The following DPF3 variants were observed in gnomAD, a reference collection of about 807,000 sequenced individuals.
DPF3 encodes zinc finger protein DPF3.
A neutral mutation model predicts 56.8 loss-of-function variants in DPF3; 18 were observed. The ratio of observed to expected loss-of-function variants is 0.32; its 90% CI spans 0.22 to 0.47. The LOEUF (loss-of-function observed/expected upper bound fraction) is 0.47. Among genes scored for constraint, DPF3 ranks in the 20% least tolerant of loss-of-function variants. The pLI, the probability that DPF3 is intolerant of heterozygous loss-of-function variation, is 1.00. For missense variants in DPF3, 403 were observed against 488.8 expected (o/e 0.82, Z 1.65); for synonymous variants, 188 against 180.2 (o/e 1.04, Z -0.35).
At chr14:72,723,882 G>C in intron 4 of DPF3, 154 bp from the exon 5 acceptor site, 1 of 683,906 alleles carries the variant, frequency 1.5e-6, no homozygotes, top group Non-Finnish European at 2.4e-6. Flanking sequence ...CTGAAATGCT[G>C]TCTGGAGTTT....
At chr14:72,853,215 T>C (rs79209464) in intron 1 of DPF3, 1 of 76,386 alleles carries the variant, frequency 1.3e-5, no homozygotes, top group African/African-American at 5.4e-5. Context: ...CATGTTGTTG[T>C]TTTTTTTTTT....
At chr14:72,661,931 T>A in intron 8 of DPF3, 2 of 983,080 alleles carry the variant, frequency 2.0e-6, no homozygotes, top group Non-Finnish European at 2.4e-6. Context: ...CTTGAGGGGA[T>A]ATATTCCATC....
chr14:72,774,632 AAAC>A (rs1891681202), intron 1 of DPF3, among the ~76,000 whole-genome samples: 1 of 152,302 alleles, frequency 6.6e-6, no homozygotes, highest in African/African-American at 2.4e-5. Context: ...ATCCAAAAAA[AAAC>A]AAACAACAAA....
intron 1 of DPF3, among the ~76,000 whole-genome samples, chr14:72,886,724 C>A (rs1318517932): frequency 6.6e-6 from 1 of 152,072 alleles, no homozygotes; most frequent in Non-Finnish European, 1.5e-5. Context: ...TCCCCCTTCT[C>A]TTTATGCTTG....
Position 72,790,925 on chromosome 14 carries a change from T to C in DPF3, c.33-19032A>G, listed in dbSNP as rs182031736. Among the ~76,000 whole-genome samples, 160 of 152,308 alleles carry C rather than the reference T, an allele frequency of 1.1e-3. 1 individual carries two copies. The highest frequency in any genetic ancestry group is 1.8e-3 in the Non-Finnish European group (125 of 68,032). ...TGCTGGGTGCTGCGGAAGTCTGTCC[T>C]GTATGGTCAGCCATTTGCCCTCTTC... On this transcript the variant is annotated intron_variant, in intron 1 of 10. Coordinates refer to ENST00000556509, the MANE Select transcript of DPF3 (RefSeq NM_001280542.3).
intron 1 of DPF3, among the ~76,000 whole-genome samples, chr14:72,809,099 TC>T (rs1338725726): frequency 6.6e-6 from 1 of 152,194 alleles, no homozygotes; most frequent in Non-Finnish European, 1.5e-5. Context: ...CCCTTGGGTT[TC>T]CCCATCTTCA....
intron 8 of DPF3, chr14:72,661,593 T>C: frequency 1.0e-6 from 1 of 985,484 alleles, no homozygotes; most frequent in South Asian, 4.7e-5. Flanking sequence ...AGCGCCGAGA[T>C]ACATCCCATC....
chr14:72,698,711 A>G (rs1888018288), intron 6 of DPF3, among the ~76,000 whole-genome samples: 1 of 152,188 alleles, frequency 6.6e-6, no homozygotes, highest in African/African-American at 2.4e-5. Flanking sequence ...GCTAGGCTAC[A>G]CTATGGTTTA....
At position 72,626,476 on chromosome 14, in the gene DPF3, CT is replaced by C. The variant is rs1292695523; in HGVS notation, c.984+3147del. 2.6e-5 allele frequency among the ~76,000 whole-genome samples: 4 copies of C among 152,042 alleles called. No individual in the cohort carries two copies. The East Asian group carries it at 5.8e-4, about 22-fold the overall frequency. ...ACTTTGCTTTTTTACTTAATATATTCTGGAAATCACTCCAAATCAATTCATA... is the reference window on the plus strand; with the variant it reads ...ACTTTGCTTTTTTACTTAATATATTCGGAAATCACTCCAAATCAATTCATA... On this transcript the variant is annotated intron_variant, in intron 9 of 10. Coordinates refer to ENST00000556509, the MANE Select transcript of DPF3 (RefSeq NM_001280542.3).
chr14:72,691,727 G>GAA (rs897407839), intron 7 of DPF3, among the ~76,000 whole-genome samples: 1 of 137,534 alleles, frequency 7.3e-6, no homozygotes, highest in Non-Finnish European at 1.6e-5. Flanking sequence ...CTCCGTCTCA[G>GAA]AAAAAAAAAA....
At chr14:72,788,933 T>G (rs1307078815) in intron 1 of DPF3, among the ~76,000 whole-genome samples, 2 of 152,254 alleles carry the variant, frequency 1.3e-5, no homozygotes, top group African/African-American at 4.8e-5. Flanking sequence ...TGTCTTCACC[T>G]GATGCCATCA....
chr14:72,806,605 G>C (rs3937455), intron 1 of DPF3, among the ~76,000 whole-genome samples: 81,127 of 152,054 alleles, frequency 0.53, 22,676 homozygotes, highest in African/African-American at 0.69. Context: ...TTCCCCACCC[G>C]CACTGGGCGA....
chr14:72,646,646 CCCTT>C (rs1885734795), intron 8 of DPF3, among the ~76,000 whole-genome samples: 7 of 152,208 alleles, frequency 4.6e-5, no homozygotes, highest in Admixed American at 2.0e-4. Flanking sequence ...TTTCTCCATC[CCCTT>C]CCTTCAAACA....
At chr14:72,892,985 A>C (rs868319995) in intron 1 of DPF3, among the ~76,000 whole-genome samples, 2 of 149,144 alleles carry the variant, frequency 1.3e-5, no homozygotes, top group South Asian at 2.1e-4. Flanking sequence ...GGAAGGAAGG[A>C]AGGAAGGAAG....
intron 1 of DPF3, among the ~76,000 whole-genome samples, chr14:72,878,307 C>T (rs1198604690): frequency 2.0e-5 from 3 of 152,218 alleles, no homozygotes; most frequent in East Asian, 3.9e-4. Context: ...AGAGAAAGGC[C>T]CTCACTTGAG....
chr14:72,818,803 T>C (rs926436653), intron 1 of DPF3, among the ~76,000 whole-genome samples: 1 of 152,214 alleles, frequency 6.6e-6, no homozygotes, highest in Non-Finnish European at 1.5e-5. Context: ...ATGTTACGTA[T>C]ATTTTACTAC....
chr14:72,729,191 C>G (rs753857226), intron 4 of DPF3, among the ~76,000 whole-genome samples: 1 of 151,950 alleles, frequency 6.6e-6, no homozygotes, highest in South Asian at 2.1e-4. Context: ...GAGGTTGCAG[C>G]GAGCCGAGAT....
chr14:72,642,672 G>A (rs1033109875), intron 8 of DPF3, among the ~76,000 whole-genome samples: 9 of 152,114 alleles, frequency 5.9e-5, no homozygotes, highest in Non-Finnish European at 1.0e-4. Context: ...AGAGCCTGCC[G>A]TCTTCCCCTC....
chr14:72,713,245 T>G (rs1218967769), intron 6 of DPF3, among the ~76,000 whole-genome samples: 1 of 152,240 alleles, frequency 6.6e-6, no homozygotes, highest in Admixed American at 6.5e-5. Flanking sequence ...GGCATCTGCA[T>G]GGAGTATTAA....
Sources: allele counts gnomAD v4.1 joint callset (sites outside exome capture counted in the v4.1 genomes callset), GRCh38; gene constraint gnomAD v4.1.1; transcripts MANE v1.5; gene names NCBI Gene and HGNC (gene_info 2026-07-23, HGNC 2026-07-21).